ABCG8: variants seen among roughly 807,000 people sequenced by gnomAD.
ABCG8 encodes ATP binding cassette subfamily G member 8.
Under a neutral mutation model 71.3 loss-of-function variants are expected in ABCG8, and 81 were observed. The observed-to-expected ratio is 1.14, with a 90% CI of 0.95 to 1.37. The LOEUF (loss-of-function observed/expected upper bound fraction) is 1.37, where lower values mean the gene tolerates loss of function less well. Among genes scored for constraint, ABCG8 ranks in the 40% most tolerant of loss-of-function variants. The pLI, the probability that ABCG8 is intolerant of heterozygous loss-of-function variation, is 0.00. For missense variants in ABCG8, 1,119 were observed against 866.2 expected (o/e 1.29, Z -3.66); for synonymous variants, 451 against 354.7 (o/e 1.27, Z -3.05).
At chr2:43,865,192 C>G (rs1190552214) in intron 6 of ABCG8, among the ~76,000 whole-genome samples, 2 of 145,134 alleles carry the variant, frequency 1.4e-5, no homozygotes, top group Admixed American at 6.8e-5. Flanking sequence ...GGATAGAGCT[C>G]TCACTATCTA....
Position 43,882,195 on chromosome 2 carries a change from T to C in ABCG8, c.*4282T>C, listed in dbSNP as rs1015138122. 2.0e-5 allele frequency: 3 copies of C among 152,224 alleles called. No individual in the cohort carries two copies. The highest frequency in any genetic ancestry group is 7.2e-5 in the African/African-American group (3 of 41,446). The allele number at this position is 152,224 out of a possible 1,614,324, so 9.4% of individuals were successfully genotyped here. A position where few individuals can be genotyped will look rare whatever the true frequency, so the allele number is the denominator to read the frequency against. ...TTGTTCCTATAAATAGTATATAAGATGTAATCTTGCCCTGGGTTAAACCAG... is the reference window on the plus strand; with the variant it reads ...TTGTTCCTATAAATAGTATATAAGACGTAATCTTGCCCTGGGTTAAACCAG... On this transcript the variant is annotated 3_prime_UTR_variant, in exon 13 of 13. Coordinates refer to ENST00000272286, the MANE Select transcript of ABCG8 (RefSeq NM_022437.3).
At chr2:43,849,586 C>T (rs538109841) in intron 3 of ABCG8, among the ~76,000 whole-genome samples, 16 of 152,032 alleles carry the variant, frequency 1.1e-4, no homozygotes, top group Non-Finnish European at 1.8e-4. Flanking sequence ...CAGAGAGTCT[C>T]CCCAGATGCC....
chr2:43,839,185 C>T lies in ABCG8; in HGVS notation c.63+69C>T, dbSNP rs929041227. On this transcript the variant is annotated intron_variant, in intron 1 of 12. Transcript: ENST00000272286. ...AGGAGAAATCAAACCTTTCTCTCTT[C>T]CCTCAGGAGCCTTCTGTCCTAGCAC... 1.5e-5 allele frequency: 23 copies of T among 1,490,628 alleles called. No individual in the cohort carries two copies. In the East Asian group the frequency reaches 4.0e-4, roughly 26 times the overall value. The allele number at this position is 1,490,628 out of a possible 1,614,324, so 92.3% of individuals were successfully genotyped here. A position where few individuals can be genotyped will look rare whatever the true frequency, so the allele number is the denominator to read the frequency against.
intron 1 of ABCG8, among the ~76,000 whole-genome samples, chr2:43,842,810 G>A (rs1318882473): frequency 6.6e-6 from 1 of 151,660 alleles, no homozygotes; most frequent in Non-Finnish European, 1.5e-5. Context: ...GGTCTTTATG[G>A]TGATAATTCA....
rs9282575 is a variant in ABCG8, at chr2:43,852,467, G to A, written c.675G>A (p.Val225=). Reference sequence around the variant, plus strand: ...AGCGCAGGAGAGTCAGCATTGGGGTGCAGCTCCTGTGGAACCCAGGTGAGG... The same window carrying A: ...AGCGCAGGAGAGTCAGCATTGGGGTACAGCTCCTGTGGAACCCAGGTGAGG... The part of the protein sequence containing the change: ...GGERRRVSIG[V]QLLWNPGILI... The change falls in exon 5 of 13, where the codon GTG becomes GTA. Residue 225 remains valine (V), a synonymous_variant. Transcript: ENST00000272286. 0.05 allele frequency: 80,188 copies of A among 1,613,262 alleles called. 2,433 individuals carry two copies. The highest frequency in any genetic ancestry group is 0.12 in the Middle Eastern group (668 of 5,548).
chr2:43,857,161 G>T lies in ABCG8; in HGVS notation c.964+4293G>T, dbSNP rs146302840. ...TATCTGGATAGAATTCTCACTCTCT[G>T]GATAGAACTCTCACTATCTATCTGG... On this transcript the variant is annotated intron_variant, in intron 6 of 12. Coordinates refer to ENST00000272286, the MANE Select transcript of ABCG8 (RefSeq NM_022437.3). Among the ~76,000 whole-genome samples the T allele has an allele frequency of 9.6e-5, 13 of 135,516 alleles. No individual in the cohort carries two copies. The South Asian group carries it at 1.0e-3, about 11-fold the overall frequency. The allele number at this position is 135,516 out of a possible 152,430, so 88.9% of individuals were successfully genotyped here.
At chr2:43,871,453 T>C (rs1245995935) in intron 6 of ABCG8, among the ~76,000 whole-genome samples, 1 of 150,986 alleles carries the variant, frequency 6.6e-6, no homozygotes. Context: ...TCTCCCCATC[T>C]GGATTGAACT....
At chr2:43,844,834 C>A (rs973204214) in intron 2 of ABCG8, among the ~76,000 whole-genome samples, 1 of 152,102 alleles carries the variant, frequency 6.6e-6, no homozygotes, top group African/African-American at 2.4e-5. Context: ...GTTGTATAAA[C>A]ATAAAACAAA....
intron 1 of ABCG8, 141 bp downstream of exon 1, chr2:43,839,257 C>T: frequency 2.1e-6 from 2 of 953,138 alleles, no homozygotes; most frequent in South Asian, 1.5e-5. Context: ...GGACTGTTTC[C>T]TGCATGTCAA....
rs746704103 is a variant in ABCG8, at chr2:43,872,143, G to A, written c.1127+5G>A. On this transcript the variant is annotated splice_donor_5th_base_variant and intron_variant, in intron 7 of 12. Transcript: ENST00000272286. ...CGAGGACACCTGTGTGGAAAGGTAAGGTGGCAGGCGACTCTGAGAGGAGAG... is the reference window on the plus strand; with the variant it reads ...CGAGGACACCTGTGTGGAAAGGTAAAGTGGCAGGCGACTCTGAGAGGAGAG... The A allele has an allele frequency of 1.9e-6, 3 of 1,614,108 alleles. No homozygotes were observed. The Admixed American group carries it at 5.0e-5, about 27-fold the overall frequency.
intron 2 of ABCG8, 60 bp downstream of exon 2, chr2:43,844,668 C>A: frequency 2.1e-6 from 3 of 1,398,684 alleles, no homozygotes; most frequent in Middle Eastern, 1.8e-4. Flanking sequence ...GGAAATTCCC[C>A]GGGTGGAAAT....
At chr2:43,873,723 A>G (rs1299695565) in intron 8 of ABCG8, 64 bp from the exon 9 acceptor site, 7 of 1,547,630 alleles carry the variant, frequency 4.5e-6, no homozygotes, top group Non-Finnish European at 6.2e-6. Context: ...AGACTGTGAC[A>G]TTCCCAGGGT....
rs1176979936 is a variant in ABCG8 at position 43,882,517 on chromosome 2, A to G, written c.*4604A>G. The G allele has an allele frequency of 6.6e-6, 1 of 152,244 alleles. No individual in the cohort carries two copies. The highest frequency in any genetic ancestry group is 2.4e-5 in the African/African-American group (1 of 41,454). 9.4% of individuals were successfully genotyped at this position (152,244 alleles called of 1,614,324 possible). On this transcript the variant is annotated 3_prime_UTR_variant, in exon 13 of 13. Transcript: ENST00000272286. ...GTTGGCCTTTGCTTGTTTGCAAAAT[A>G]TATCCAATGCTCACACCTGAGAGAC...
chr2:43,861,562 C>A (rs891101295), intron 6 of ABCG8, among the ~76,000 whole-genome samples: 3 of 150,420 alleles, frequency 2.0e-5, no homozygotes, highest in African/African-American at 7.3e-5. Context: ...AAAACTCTCC[C>A]TGTCTGTCTG....
intron 2 of ABCG8, among the ~76,000 whole-genome samples, chr2:43,845,243 A>G (rs891400285): frequency 5.3e-5 from 8 of 152,004 alleles, no homozygotes; most frequent in African/African-American, 1.5e-4. Context: ...CCATATTCCC[A>G]CAGCTCCCCA....
At position 43,879,806 on chromosome 2, in the gene ABCG8, T is replaced by C. The variant is rs376791387; in HGVS notation, c.*1893T>C. 3 of 152,334 alleles carry C rather than the reference T, an allele frequency of 2.0e-5. No homozygotes were observed. The East Asian group carries it at 5.8e-4, about 29-fold the overall frequency. The allele number at this position is 152,334 out of a possible 1,614,324, so 9.4% of individuals were successfully genotyped here. A position where few individuals can be genotyped will look rare whatever the true frequency, so the allele number is the denominator to read the frequency against. On this transcript the variant is annotated 3_prime_UTR_variant, in exon 13 of 13. Coordinates refer to ENST00000272286, the MANE Select transcript of ABCG8 (RefSeq NM_022437.3). The stretch of plus-strand genomic sequence containing the variant: ...GTGCATCCTATCAGAAGGCATGTGA[T>C]TTCAACTTCTCCCATACCAACAACG...
At chr2:43,860,482 G>A (rs894203227) in intron 6 of ABCG8, among the ~76,000 whole-genome samples, 2 of 151,154 alleles carry the variant, frequency 1.3e-5, no homozygotes, top group Non-Finnish European at 3.0e-5. Flanking sequence ...TATCTTTCTG[G>A]ATGGAACTCT....
intron 1 of ABCG8, among the ~76,000 whole-genome samples, chr2:43,840,229 C>T (rs532867824): frequency 3.9e-5 from 6 of 152,310 alleles, no homozygotes; most frequent in South Asian, 2.1e-4. Context: ...GGACTTGACT[C>T]GGCCAGACCC....
intron 11 of ABCG8, 63 bp from the exon 12 acceptor site, chr2:43,877,498 G>T: frequency 1.2e-6 from 2 of 1,610,696 alleles, no homozygotes; most frequent in South Asian, 2.2e-5. Context: ...GAGACCATGC[G>T]AATATGGGGA....
Sources: gnomAD v4.1 joint callset for allele counts (sites outside exome capture counted in the v4.1 genomes callset) on GRCh38, gnomAD v4.1.1 for gene constraint, MANE v1.5 for transcripts, NCBI Gene and HGNC (gene_info 2026-07-23, HGNC 2026-07-21) for gene names.